The following ZRANB3 variants were observed in gnomAD, a reference collection of about 807,000 sequenced individuals.
ZRANB3 encodes the protein zinc finger RANBP2-type containing 3.
A neutral mutation model predicts 133.8 loss-of-function variants in ZRANB3; 125 were observed. That is an observed-to-expected ratio of 0.93 (90% CI 0.81 to 1.08). The LOEUF (loss-of-function observed/expected upper bound fraction) is 1.08, where lower values mean the gene tolerates loss of function less well. ZRANB3 is among the 50% of genes least tolerant of loss of function. The pLI is 0.00. For synonymous variants in ZRANB3, 387 were observed against 432.7 expected, an observed-to-expected ratio of 0.89 and a Z score of 1.31; for missense variants, 1,229 against 1,275.5, an observed-to-expected ratio of 0.96 and a Z score of 0.56.
intron 6 of ZRANB3, among the ~76,000 whole-genome samples, chr2:135,324,012 G>A (rs1354666034): frequency 2.0e-5 from 3 of 151,870 alleles, no homozygotes; most frequent in Admixed American, 6.6e-5. Flanking sequence ...CAGGTGATCC[G>A]CCCACCTCGG....
At chr2:135,417,497 T>C (rs563510282) in intron 2 of ZRANB3, among the ~76,000 whole-genome samples, 1 of 152,232 alleles carries the variant, frequency 6.6e-6, no homozygotes, top group Non-Finnish European at 1.5e-5. Flanking sequence ...ATAGGAACAC[T>C]TTTACACTGT....
chr2:135,291,702 G>C (rs528841507), intron 8 of ZRANB3, among the ~76,000 whole-genome samples: 8 of 151,394 alleles, frequency 5.3e-5, no homozygotes, highest in Admixed American at 4.6e-4. Context: ...CCATTAACTC[G>C]TCATTTAACA....
chr2:135,233,342 G>A lies in ZRANB3; in HGVS notation c.1540-2415C>T, dbSNP rs147557859. Among the ~76,000 whole-genome samples the A allele has an allele frequency of 1.0e-2, 1,517 of 152,304 alleles. 23 individuals are homozygous for A. The highest frequency in any genetic ancestry group is 0.035 in the African/African-American group (1,445 of 41,556). On this transcript the variant is annotated intron_variant, in intron 12 of 20. Transcript: ENST00000264159. ...TTGGTGTACCTGAAACTGATGGGGAGAATGGAACCAAGTTGGAAAACACTC... is the reference window on the plus strand; with the variant it reads ...TTGGTGTACCTGAAACTGATGGGGAAAATGGAACCAAGTTGGAAAACACTC...
chr2:135,468,003 CAT>C (rs1470365134), intron 2 of ZRANB3, among the ~76,000 whole-genome samples: 1 of 152,176 alleles, frequency 6.6e-6, no homozygotes, highest in African/African-American at 2.4e-5. Flanking sequence ...TTAGAAAACA[CAT>C]AGTTACCTTT....
At chr2:135,371,290 A>G (rs1039755377) in intron 3 of ZRANB3, among the ~76,000 whole-genome samples, 4 of 152,238 alleles carry the variant, frequency 2.6e-5, no homozygotes, top group Non-Finnish European at 5.9e-5. Context: ...AATGTTTGCA[A>G]CATTTTCTTT....
rs186738424 is a variant in ZRANB3 at position 135,469,968 on chromosome 2, C to T, written c.161+34361G>A. 6.1e-5 allele frequency among the ~76,000 whole-genome samples: 9 copies of T among 148,252 alleles called. No individual in the cohort carries two copies. The East Asian group carries it at 1.2e-3, about 20-fold the overall frequency. ...TGGAGCTTGCAGTGAGCTGAGATCA[C>T]ACCACTGCACTCCAGCCTGGGTGAC... is the stretch of plus-strand genomic sequence containing the variant. On this transcript the variant is annotated intron_variant, in intron 2 of 20. Transcript: ENST00000264159.
intron 16 of ZRANB3, among the ~76,000 whole-genome samples, chr2:135,218,524 A>G (rs1351332360): frequency 6.6e-6 from 1 of 152,152 alleles, no homozygotes. Context: ...GTAAAAAAAA[A>G]AAAATCACCA....
intron 8 of ZRANB3, among the ~76,000 whole-genome samples, chr2:135,298,697 A>C (rs1321617331): frequency 1.3e-5 from 2 of 152,174 alleles, no homozygotes; most frequent in Non-Finnish European, 2.9e-5. Context: ...TCAGCTGTGC[A>C]TACTATCACC....
chr2:135,473,082 C>T (rs1243195154), intron 2 of ZRANB3, among the ~76,000 whole-genome samples: 1 of 152,100 alleles, frequency 6.6e-6, no homozygotes, highest in African/African-American at 2.4e-5. Flanking sequence ...GTTGTGCAAC[C>T]TTCACAACTA....
At chr2:135,402,593 C>CT (rs58855043) in intron 2 of ZRANB3, among the ~76,000 whole-genome samples, 6,528 of 143,554 alleles carry the variant, frequency 0.045, 469 homozygotes, top group African/African-American at 0.16. Context: ...TGCACCCAGA[C>CT]TTTTTTTTTT....
chr2:135,416,947 C>G (rs1688605918), intron 2 of ZRANB3, among the ~76,000 whole-genome samples: 2 of 152,064 alleles, frequency 1.3e-5, no homozygotes, highest in African/African-American at 4.8e-5. Flanking sequence ...ACACCTTATA[C>G]AAAAATTAAT....
intron 2 of ZRANB3, among the ~76,000 whole-genome samples, chr2:135,487,665 T>G (rs1196578393): frequency 6.6e-6 from 1 of 152,206 alleles, no homozygotes; most frequent in Non-Finnish European, 1.5e-5. Flanking sequence ...TGAACCAACC[T>G]CTTTAGCTTC....
chr2:135,386,519 G>A (rs971708152), intron 3 of ZRANB3, among the ~76,000 whole-genome samples: 6 of 152,182 alleles, frequency 3.9e-5, no homozygotes, highest in African/African-American at 7.2e-5. Flanking sequence ...TATAAATCAT[G>A]CTACTATAAA....
intron 20 of ZRANB3, 98 bp from the exon 21 acceptor site, chr2:135,200,538 G>T: frequency 1.0e-6 from 1 of 973,574 alleles, no homozygotes; most frequent in Non-Finnish European, 1.6e-6. Context: ...AAAATCTACA[G>T]TCACTACACC....
At chr2:135,441,230 A>G (rs1221934570) in intron 2 of ZRANB3, among the ~76,000 whole-genome samples, 8 of 152,194 alleles carry the variant, frequency 5.3e-5, no homozygotes, top group Non-Finnish European at 1.0e-4. Flanking sequence ...TAAAAGCAGA[A>G]AGAGAAAAAC....
chr2:135,433,198 G>A (rs182059864), intron 2 of ZRANB3, among the ~76,000 whole-genome samples: 1 of 152,070 alleles, frequency 6.6e-6, no homozygotes, highest in African/African-American at 2.4e-5. Flanking sequence ...CCCAGCCTGG[G>A]CAACATAGTG....
At chr2:135,306,067 G>A (rs371680627) in intron 8 of ZRANB3, among the ~76,000 whole-genome samples, 163 of 152,250 alleles carry the variant, frequency 1.1e-3, no homozygotes, top group Admixed American at 2.0e-3. Context: ...ACCTTTTCAG[G>A]TTGTATCTAT....
intron 2 of ZRANB3, among the ~76,000 whole-genome samples, chr2:135,421,632 C>A (rs1688846812): frequency 6.6e-6 from 1 of 152,082 alleles, no homozygotes; most frequent in African/African-American, 2.4e-5. Context: ...TTAAACTTTT[C>A]TTTGCTACCA....
intron 1 of ZRANB3, chr2:135,510,909 C>G (rs945612238): frequency 5.8e-6 from 7 of 1,213,586 alleles, no homozygotes; most frequent in East Asian, 4.6e-5. Context: ...AGGCAGGTTG[C>G]CAATGAAGAG....
Sources: allele counts gnomAD v4.1 joint callset (sites outside exome capture counted in the v4.1 genomes callset), GRCh38; gene constraint gnomAD v4.1.1; transcripts MANE v1.5; gene names NCBI Gene and HGNC (gene_info 2026-07-23, HGNC 2026-07-21).